The following ARHGAP26 variants were observed in gnomAD, a reference collection of about 807,000 sequenced individuals.
The protein encoded by ARHGAP26 is Rho GTPase activating protein 26.
ARHGAP26 carries 38 observed loss-of-function variants against 104.8 expected under a neutral mutation model. The observed-to-expected ratio is 0.36, with a 90% confidence interval of 0.28 to 0.48. The LOEUF (loss-of-function observed/expected upper bound fraction) is 0.48, where lower values mean the gene tolerates loss of function less well. Ranked by LOEUF, ARHGAP26 falls within the 20% of genes least tolerant of loss-of-function variation. The pLI, the probability that ARHGAP26 is intolerant of heterozygous loss-of-function variation, is 0.99. For missense variants in ARHGAP26, 704 were observed against 947.9 expected, an observed-to-expected ratio of 0.74 and a Z score of 3.38; for synonymous variants, 341 against 340.0, an observed-to-expected ratio of 1.00 and a Z score of -0.03.
intron 22 of ARHGAP26, among the ~76,000 whole-genome samples, chr5:143,222,019 C>T (rs1178747833): frequency 1.3e-5 from 2 of 152,088 alleles, no homozygotes; most frequent in Admixed American, 1.3e-4. Flanking sequence ...AGGAATCTGT[C>T]ACTTCTTTGT....
chr5:142,983,730 C>T (rs1202695964), intron 11 of ARHGAP26, among the ~76,000 whole-genome samples: 2 of 152,106 alleles, frequency 1.3e-5, no homozygotes, highest in Non-Finnish European at 2.9e-5. Flanking sequence ...GAATATCACT[C>T]ATCTTAGAAA....
Position 143,205,941 on chromosome 5 carries a change from G to A in ARHGAP26, c.1989-1257G>A, listed in dbSNP as rs115638139. Among the ~76,000 whole-genome samples the A allele has an allele frequency of 6.0e-3, 917 of 152,288 alleles. 11 individuals carry two copies. Among genetic ancestry groups the A allele is most frequent in the African/African-American group, 0.021 (865 of 41,556 alleles). On this transcript the variant is annotated intron_variant, in intron 20 of 22. Transcript: ENST00000645722. ...TGGAATTTATGTTCTAAAAATATAC[G>A]TAATGGAATTTAATAAAGTGTTTAT...
intron 14 of ARHGAP26, among the ~76,000 whole-genome samples, chr5:143,042,333 A>G (rs530201437): frequency 3.9e-5 from 6 of 152,248 alleles, no homozygotes; most frequent in Non-Finnish European, 5.9e-5. Flanking sequence ...AGCAGGTGTC[A>G]TGTAACTCTC....
At chr5:142,802,353 C>T (rs1007390416) in intron 1 of ARHGAP26, among the ~76,000 whole-genome samples, 1 of 152,078 alleles carries the variant, frequency 6.6e-6, no homozygotes, top group African/African-American at 2.4e-5. Flanking sequence ...GAGGTCCATG[C>T]GAAGTCAATT....
At chr5:143,056,859 T>C (rs1326349349) in intron 16 of ARHGAP26, among the ~76,000 whole-genome samples, 5 of 152,202 alleles carry the variant, frequency 3.3e-5, no homozygotes, top group Non-Finnish European at 7.3e-5. Flanking sequence ...TGTTCTGGTG[T>C]CCTTATCTAC....
intron 2 of ARHGAP26, 29 bp from the exon 3 acceptor site, chr5:142,875,081 C>A (rs1755891336): frequency 1.9e-6 from 3 of 1,600,810 alleles, no homozygotes; most frequent in Non-Finnish European, 2.6e-6. Context: ...GACACTCCTT[C>A]CACCTCATGG....
chr5:142,795,735 T>C (rs959315342), intron 1 of ARHGAP26, among the ~76,000 whole-genome samples: 1 of 152,170 alleles, frequency 6.6e-6, no homozygotes, highest in Non-Finnish European at 1.5e-5. Flanking sequence ...ATGTTAGAAT[T>C]GTGGAGTTTT....
At chr5:142,832,586 T>C (rs528174376) in intron 1 of ARHGAP26, among the ~76,000 whole-genome samples, 1 of 152,336 alleles carries the variant, frequency 6.6e-6, no homozygotes, top group East Asian at 1.9e-4. Flanking sequence ...TTATTTCAGG[T>C]CTTTTGTGTG....
chr5:143,003,529 T>C (rs1268557793), intron 11 of ARHGAP26, among the ~76,000 whole-genome samples: 1 of 152,148 alleles, frequency 6.6e-6, no homozygotes, highest in African/African-American at 2.4e-5. Flanking sequence ...CCCTGCCCCA[T>C]AGAAATGTAA....
intron 11 of ARHGAP26, among the ~76,000 whole-genome samples, chr5:142,995,420 A>C (rs1391222942): frequency 1.3e-5 from 2 of 152,262 alleles, no homozygotes; most frequent in East Asian, 3.8e-4. Flanking sequence ...AAAGCTCATC[A>C]TCACTGGTCA....
intron 17 of ARHGAP26, among the ~76,000 whole-genome samples, chr5:143,071,067 A>G (rs887095456): frequency 2.6e-5 from 4 of 152,228 alleles, no homozygotes; most frequent in African/African-American, 9.6e-5. Flanking sequence ...CTCAAAATAT[A>G]CTACAAAGCT....
chr5:143,055,117 A>T (rs1785610100), intron 15 of ARHGAP26, among the ~76,000 whole-genome samples: 1 of 152,192 alleles, frequency 6.6e-6, no homozygotes, highest in African/African-American at 2.4e-5. Context: ...CCTGCATCTT[A>T]GTTTCATGAA....
At chr5:142,854,458 A>G (rs1298850843) in intron 1 of ARHGAP26, among the ~76,000 whole-genome samples, 1 of 152,210 alleles carries the variant, frequency 6.6e-6, no homozygotes, top group Non-Finnish European at 1.5e-5. Context: ...AGTTTTGTTC[A>G]GTGTCTTATT....
At chr5:143,151,101 G>C (rs1799789083) in intron 20 of ARHGAP26, among the ~76,000 whole-genome samples, 2 of 152,166 alleles carry the variant, frequency 1.3e-5, no homozygotes, top group African/African-American at 4.8e-5. Context: ...ATTAAAATAT[G>C]AGCAAAAAAT....
chr5:143,218,694 C>T (rs1422441389), intron 22 of ARHGAP26, among the ~76,000 whole-genome samples: 1 of 152,238 alleles, frequency 6.6e-6, no homozygotes. Context: ...AAGAGCCACT[C>T]AGGCAGCTTG....
intron 3 of ARHGAP26, among the ~76,000 whole-genome samples, chr5:142,876,710 A>C (rs1044755339): frequency 6.8e-6 from 1 of 147,424 alleles, no homozygotes; most frequent in African/African-American, 2.5e-5. Flanking sequence ...CAGGGAGGTC[A>C]AGGCTGCAGT....
At chr5:143,116,929 G>A (rs1216093947) in intron 17 of ARHGAP26, among the ~76,000 whole-genome samples, 3 of 152,206 alleles carry the variant, frequency 2.0e-5, no homozygotes, top group African/African-American at 7.2e-5. Context: ...AGTGGATGCA[G>A]CCATTCTGAT....
intron 11 of ARHGAP26, among the ~76,000 whole-genome samples, chr5:143,008,574 G>T (rs1778311849): frequency 6.6e-6 from 1 of 152,154 alleles, no homozygotes; most frequent in African/African-American, 2.4e-5. Context: ...TGTGCATTTG[G>T]GTAAAGATGG....
At chr5:143,027,119 A>C (rs965979741) in intron 12 of ARHGAP26, among the ~76,000 whole-genome samples, 1 of 151,742 alleles carries the variant, frequency 6.6e-6, no homozygotes, top group Non-Finnish European at 1.5e-5. Context: ...GTTTGGGGAC[A>C]CATTAGGACT....
Sources: allele counts gnomAD v4.1 joint callset (sites outside exome capture counted in the v4.1 genomes callset), GRCh38; gene constraint gnomAD v4.1.1; transcripts MANE v1.5; gene names NCBI Gene and HGNC (gene_info 2026-07-23, HGNC 2026-07-21).